The following RIN3 variants were observed in gnomAD, a reference collection of about 807,000 sequenced individuals.
The protein encoded by RIN3 is RAB5 interacting protein 3.
A neutral mutation model predicts 76.3 loss-of-function variants in RIN3; 54 were observed. That is an observed-to-expected ratio of 0.71 (90% CI 0.57 to 0.89). The LOEUF is 0.89. Among genes scored for constraint, RIN3 ranks in the 40% least tolerant of loss-of-function variants. The pLI is 0.00. For missense variants in RIN3, 1,256 were observed against 1,322.1 expected (o/e 0.95, Z 0.78); for synonymous variants, 576 against 564.0 (o/e 1.02, Z -0.30).
chr14:92,652,887 G>C lies in RIN3; in HGVS notation c.1838G>C (p.Gly613Ala), dbSNP rs12434929. 0.012 allele frequency: 19,847 copies of C among 1,614,034 alleles called. 715 individuals carry two copies. In the African/African-American group the frequency reaches 0.13, roughly 11 times the overall value. The part of the protein sequence containing the change: ...KKVVELAQDK[G>A]SYFGSLVQDY... ...GTGGTGGAGCTGGCGCAGGACAAGG[G>C]CTCGTACTTTGGCAGCCTGGTGCAG... The change falls in exon 6 of 10, where the codon GGC becomes GCC. Residue 613 changes from glycine (G) to alanine (A), a missense_variant. This residue lies in a region of RIN3 where 428 missense variants were observed against 521.2 expected (regional missense o/e 0.82). Transcript: ENST00000216487. This position sits in a 1 kb window ranked among gnomAD's most constrained non-coding sequence, Gnocchi z 6.4.
At position 92,609,791 on chromosome 14, in the gene RIN3, T is replaced by C. The variant is rs554455414; in HGVS notation, c.368-5616T>C. Among the ~76,000 whole-genome samples the C allele has an allele frequency of 1.1e-4, 17 of 152,198 alleles. No homozygotes were observed. In the East Asian group the frequency reaches 3.1e-3, roughly 28 times the overall value. Reference sequence around the variant, plus strand: ...TGTCTCCGCTTACAGAAGTTGTATATGCTCATTATAAAAAATCGCAGGAAA... The same window carrying C: ...TGTCTCCGCTTACAGAAGTTGTATACGCTCATTATAAAAAATCGCAGGAAA... On this transcript the variant is annotated intron_variant, in intron 3 of 9. Transcript: ENST00000216487.
chr14:92,619,759 A>G (rs1886109638), intron 4 of RIN3, among the ~76,000 whole-genome samples: 1 of 152,172 alleles, frequency 6.6e-6, no homozygotes, highest in Non-Finnish European at 1.5e-5. Flanking sequence ...ATAATGGCGA[A>G]TTTTAAAGTA....
intron 1 of RIN3, among the ~76,000 whole-genome samples, chr14:92,525,348 G>C (rs934420754): frequency 6.6e-6 from 1 of 152,180 alleles, no homozygotes; most frequent in East Asian, 1.9e-4. Context: ...GGCTCTTCCT[G>C]GCAGGGTGTG....
chr14:92,526,686 G>A (rs1325758290), intron 1 of RIN3, among the ~76,000 whole-genome samples: 1 of 152,210 alleles, frequency 6.6e-6, no homozygotes, highest in African/African-American at 2.4e-5. Context: ...CTGGGAGGCA[G>A]AGGTTGCAGT....
chr14:92,558,650 T>A (rs959610360), intron 2 of RIN3, among the ~76,000 whole-genome samples: 2 of 152,176 alleles, frequency 1.3e-5, no homozygotes, highest in Non-Finnish European at 2.9e-5. Context: ...AAGGGACTGA[T>A]GCCAATAAAA....
At chr14:92,552,949 A>G (rs112481863) in intron 1 of RIN3, among the ~76,000 whole-genome samples, 2,338 of 151,496 alleles carry the variant, frequency 0.015, 63 homozygotes, top group African/African-American at 0.052. Context: ...AACTAAGCAC[A>G]GCCCGAGTGA....
intron 3 of RIN3, among the ~76,000 whole-genome samples, chr14:92,591,006 A>G (rs749931876): frequency 1.3e-5 from 2 of 152,238 alleles, no homozygotes; most frequent in Admixed American, 6.5e-5. Context: ...ACAGACTCAC[A>G]TATGGTAGAG....
intron 1 of RIN3, among the ~76,000 whole-genome samples, chr14:92,540,082 C>T (rs778441854): frequency 9.2e-5 from 14 of 152,222 alleles, no homozygotes; most frequent in South Asian, 2.1e-4. Flanking sequence ...GAGTGCTGGA[C>T]GCACACTAAG....
chr14:92,608,113 A>G lies in RIN3; in HGVS notation c.368-7294A>G, dbSNP rs188258275. On this transcript the variant is annotated intron_variant, in intron 3 of 9. Transcript: ENST00000216487. ...TTGTGGTGACTGTGCGAAGCTACCT[A>G]TGTGATAAAATTGCCTAATACTATA... Among the ~76,000 whole-genome samples, 155 of 152,300 alleles carry G rather than the reference A, an allele frequency of 1.0e-3. 1 individual carries two copies. Among genetic ancestry groups the G allele is most frequent in the African/African-American group, 3.6e-3 (148 of 41,560 alleles).
rs1477792338 is a variant in RIN3, at chr14:92,652,004, G to T, written c.955G>T (p.Ala319Ser). 5 of 1,472,246 alleles carry T rather than the reference G, an allele frequency of 3.4e-6. No homozygotes were observed. Among genetic ancestry groups the T allele is most frequent in the Non-Finnish European group, 3.7e-6 (4 of 1,095,532 alleles). The allele number at this position is 1,472,246 out of a possible 1,614,324, so 91.2% of individuals were successfully genotyped here. Residue 319 changes from alanine (A) to serine (S), a missense_variant, in exon 6 of 10, where the codon GCC becomes TCC. Transcript: ENST00000216487. The surrounding 1 kb of genome is among the most constrained non-coding windows in gnomAD (Gnocchi z 6.4). The stretch of plus-strand genomic sequence containing the variant: ...TTTGCCCACCTCTCCCCCAGTGCCT[G>T]CCCCCCACGTCACACCCCATGCCCC... ...CPLPTSPPVP[A>S]PHVTPHAPGP...
chr14:92,586,371 C>A (rs1884778050), intron 3 of RIN3: 3 of 152,208 alleles, frequency 2.0e-5, no homozygotes, highest in Admixed American at 6.5e-5. Flanking sequence ...TTGATTCGTT[C>A]TTCTTATCTC....
intron 7 of RIN3, among the ~76,000 whole-genome samples, chr14:92,666,436 G>A (rs2140158774): frequency 6.6e-6 from 1 of 152,286 alleles, no homozygotes; most frequent in South Asian, 2.1e-4. Context: ...GGCCGGCCTG[G>A]GAATGGACCC....
chr14:92,539,292 G>A (rs1595398026), intron 1 of RIN3, among the ~76,000 whole-genome samples: 1 of 152,064 alleles, frequency 6.6e-6, no homozygotes, highest in Non-Finnish European at 1.5e-5. Context: ...CTTACTGGGC[G>A]AATAAATACT....
intron 8 of RIN3, among the ~76,000 whole-genome samples, chr14:92,677,485 C>G (rs1447618067): frequency 6.6e-6 from 1 of 152,150 alleles, no homozygotes; most frequent in Non-Finnish European, 1.5e-5. Context: ...TTTGCATGTT[C>G]CAGTCTCTGG....
intron 3 of RIN3, among the ~76,000 whole-genome samples, chr14:92,604,461 G>A (rs1885454254): frequency 6.6e-6 from 1 of 152,192 alleles, no homozygotes; most frequent in Admixed American, 6.5e-5. Context: ...GACCTGGGGT[G>A]AAAGCTACTT....
At chr14:92,526,553 G>A (rs1475743919) in intron 1 of RIN3, among the ~76,000 whole-genome samples, 1 of 151,414 alleles carries the variant, frequency 6.6e-6, no homozygotes, top group South Asian at 2.1e-4. Flanking sequence ...AAGAGATGGA[G>A]ACCATCCTGG....
At position 92,652,907 on chromosome 14, in the gene RIN3, G is replaced by A. The variant is rs758340968; in HGVS notation, c.1858G>A (p.Val620Met). ...CAAGGGCTCGTACTTTGGCAGCCTG[G>A]TGCAGGACTACAAGGTGTACAGCCT... is the stretch of plus-strand genomic sequence containing the variant. ...QDKGSYFGSL[V>M]QDYKVYSLEM... Residue 620 changes from valine (V) to methionine (M), a missense_variant, in exon 6 of 10, where the codon GTG (valine) becomes ATG (methionine). Val to Met is a conservative substitution (Grantham distance 21). Around this residue, in one of 3 missense-constraint regions of RIN3, gnomAD observed 428 missense variants for 521.2 expected, o/e 0.82. Coordinates refer to ENST00000216487, the MANE Select transcript of RIN3 (RefSeq NM_024832.5). This position sits in a 1 kb window ranked among gnomAD's most constrained non-coding sequence, Gnocchi z 6.4. 2 of 1,614,050 alleles carry A rather than the reference G, an allele frequency of 1.2e-6. No homozygotes were observed. Among genetic ancestry groups the A allele is most frequent in the East Asian group, 2.2e-5 (1 of 44,884 alleles).
At chr14:92,532,396 T>C (rs1896904300) in intron 1 of RIN3, among the ~76,000 whole-genome samples, 1 of 152,198 alleles carries the variant, frequency 6.6e-6, no homozygotes, top group Non-Finnish European at 1.5e-5. Flanking sequence ...CCACTCTTTA[T>C]TGAGCCATTG....
At chr14:92,576,274 C>T (rs891423102) in intron 2 of RIN3, 27 of 1,288,978 alleles carry the variant, frequency 2.1e-5, no homozygotes, top group Middle Eastern at 2.3e-4. Context: ...AGCAGAATCC[C>T]GCTCCCCATG....
Sources: gnomAD v4.1 joint callset for allele counts (sites outside exome capture counted in the v4.1 genomes callset) on GRCh38, gnomAD v4.1.1 for gene constraint, gnomAD v4.1.1 regional missense constraint, Gnocchi (gnomAD v3.1) non-coding constraint, MANE v1.5 for transcripts, NCBI Gene and HGNC (gene_info 2026-07-23, HGNC 2026-07-21) for gene names.